The following RAB27B variants were observed in gnomAD, a reference collection of about 807,000 sequenced individuals.
RAB27B encodes ras-related protein Rab-27B.
Under a neutral mutation model 24.6 loss-of-function variants are expected in RAB27B, and 15 were observed. The observed-to-expected ratio is 0.61, with a 90% confidence interval of 0.41 to 0.94. The LOEUF (loss-of-function observed/expected upper bound fraction) is 0.94. Among genes scored for constraint, RAB27B ranks in the 40% least tolerant of loss-of-function variants. The pLI, the probability that RAB27B is intolerant of heterozygous loss-of-function variation, is 0.00. For missense variants in RAB27B, 261 were observed against 266.8 expected, an observed-to-expected ratio of 0.98 and a Z score of 0.15; for synonymous variants, 105 against 92.5, an observed-to-expected ratio of 1.14 and a Z score of -0.78.
At chr18:54,828,809 C>T in intron 1 of RAB27B, 109 bp downstream of exon 1, 1 of 148,928 alleles carries the variant, frequency 6.7e-6, no homozygotes, top group Non-Finnish European at 1.5e-5. Flanking sequence ...TGTGTGTGTG[C>T]ATGTGTGAGT....
chr18:54,795,553 G>C (rs1397129777), intron 2 of RAB27B, among the ~76,000 whole-genome samples: 1 of 152,164 alleles, frequency 6.6e-6, no homozygotes, highest in East Asian at 1.9e-4. Flanking sequence ...AGAATGGTTA[G>C]GAAGCAATCA....
chr18:54,837,370 T>C (rs1188962303), intron 1 of RAB27B, among the ~76,000 whole-genome samples: 1 of 152,052 alleles, frequency 6.6e-6, no homozygotes, highest in Non-Finnish European at 1.5e-5. Context: ...TTATAAAGTC[T>C]AAATTTCTGG....
intron 1 of RAB27B, among the ~76,000 whole-genome samples, chr18:54,831,770 A>AT (rs371299042): frequency 2.9e-3 from 435 of 149,378 alleles, no homozygotes; most frequent in African/African-American, 7.6e-3. Flanking sequence ...AGGGGAGGTG[A>AT]TTTTTTTTTT....
intron 1 of RAB27B, among the ~76,000 whole-genome samples, chr18:54,830,894 T>A (rs1483144120): frequency 1.3e-5 from 2 of 152,214 alleles, no homozygotes; most frequent in Admixed American, 6.5e-5. Flanking sequence ...AAATAAATTT[T>A]GTCTTTTTAA....
At chr18:54,849,752 T>C (rs1911483513) in intron 1 of RAB27B, among the ~76,000 whole-genome samples, 1 of 151,942 alleles carries the variant, frequency 6.6e-6, no homozygotes, top group Non-Finnish European at 1.5e-5. Context: ...GGTAAATCAC[T>C]AGGGGATATA....
At chr18:54,875,893 T>G (rs930063063) in intron 1 of RAB27B, among the ~76,000 whole-genome samples, 41 of 151,334 alleles carry the variant, frequency 2.7e-4, no homozygotes, top group Admixed American at 2.4e-3. Flanking sequence ...TTTTTGTACA[T>G]GTACATGTAC....
intron 1 of RAB27B, among the ~76,000 whole-genome samples, chr18:54,845,474 G>A (rs1359590377): frequency 6.6e-6 from 1 of 150,484 alleles, no homozygotes; most frequent in African/African-American, 2.4e-5. Context: ...CTCTAGCTAA[G>A]CAATAATGAA....
rs554277402 is a variant in RAB27B, at chr18:54,776,984, G to A, written c.-20+58843G>A. ...CACCTGAGCCTGGGAGGCAGAGGTT[G>A]CAGTGAGCCAAGATGGCACCACTGT... On this transcript the variant is annotated intron_variant, in intron 2 of 4. Coordinates refer to the RAB27B transcript ENST00000586570. 7.2e-5 allele frequency among the ~76,000 whole-genome samples: 11 copies of A among 152,276 alleles called. No homozygotes were observed. In the East Asian group the frequency reaches 1.9e-3, roughly 27 times the overall value.
At chr18:54,863,967 T>A (rs11874015) in intron 1 of RAB27B, among the ~76,000 whole-genome samples, 2 of 152,080 alleles carry the variant, frequency 1.3e-5, no homozygotes, top group Non-Finnish European at 2.9e-5. Context: ...AATGCTGCTA[T>A]GAGCATTCAT....
intron 2 of RAB27B, among the ~76,000 whole-genome samples, chr18:54,733,931 G>C (rs1170870929): frequency 6.6e-6 from 1 of 152,120 alleles, no homozygotes; most frequent in African/African-American, 2.4e-5. Context: ...AAAGTAAGAA[G>C]AGTCTAAAAA....
intron 2 of RAB27B, among the ~76,000 whole-genome samples, chr18:54,767,311 C>A (rs887097531): frequency 6.6e-6 from 1 of 152,036 alleles, no homozygotes; most frequent in African/African-American, 2.4e-5. Flanking sequence ...GTGGCTCATG[C>A]CAGTGTGTGG....
intron 1 of RAB27B, among the ~76,000 whole-genome samples, chr18:54,841,165 G>GGGGGGC (rs1454372577): frequency 8.2e-6 from 1 of 121,480 alleles, no homozygotes; most frequent in South Asian, 3.9e-4. Context: ...GGGGCGGTGG[G>GGGGGGC]GGGTTTGGTG....
At chr18:54,724,857 T>A (rs1909479643) in intron 2 of RAB27B, among the ~76,000 whole-genome samples, 1 of 151,638 alleles carries the variant, frequency 6.6e-6, no homozygotes, top group Non-Finnish European at 1.5e-5. Flanking sequence ...TTTCAAAGGA[T>A]GAACAGAGGA....
intron 2 of RAB27B, among the ~76,000 whole-genome samples, chr18:54,788,922 T>G (rs1171904938): frequency 2.6e-5 from 4 of 152,224 alleles, no homozygotes; most frequent in African/African-American, 9.6e-5. Flanking sequence ...AGTGGTCACT[T>G]GGATGAAGAA....
At chr18:54,811,268 C>A (rs1909955994) in intron 2 of RAB27B, among the ~76,000 whole-genome samples, 1 of 152,086 alleles carries the variant, frequency 6.6e-6, no homozygotes, top group East Asian at 1.9e-4. Context: ...AAGGACATAC[C>A]TGTGACATAG....
intron 2 of RAB27B, among the ~76,000 whole-genome samples, chr18:54,755,930 C>T (rs1467345104): frequency 1.3e-5 from 2 of 152,168 alleles, no homozygotes; most frequent in African/African-American, 2.4e-5. Context: ...TCCTTTGTCA[C>T]AGCCATGTTT....
At chr18:54,839,978 A>G (rs1911045302) in intron 1 of RAB27B, among the ~76,000 whole-genome samples, 1 of 152,232 alleles carries the variant, frequency 6.6e-6, no homozygotes, top group African/African-American at 2.4e-5. Flanking sequence ...GAAACAAAAG[A>G]TGCTTTTTTG....
rs78681392 is a variant in RAB27B at position 54,746,194 on chromosome 18, C to T, written c.-20+28053C>T. 8.2e-3 allele frequency among the ~76,000 whole-genome samples: 1,242 copies of T among 152,210 alleles called. 25 individuals carry two copies. The highest frequency in any genetic ancestry group is 0.028 in the African/African-American group (1,180 of 41,524). ...CCTCTAAAAATGAAATAGTCCACAA[C>T]TGAAGAAAAACTTGAAGATTACGCC... On this transcript the variant is annotated intron_variant, in intron 2 of 4. Transcript: ENST00000586570.
At chr18:54,794,467 C>A (rs186496094) in intron 2 of RAB27B, among the ~76,000 whole-genome samples, 5 of 152,092 alleles carry the variant, frequency 3.3e-5, no homozygotes, top group African/African-American at 4.8e-5. Flanking sequence ...GCTCTTACAG[C>A]GTAAAAACAA....
Sources: gnomAD v4.1 joint callset for allele counts (sites outside exome capture counted in the v4.1 genomes callset) on GRCh38, gnomAD v4.1.1 for gene constraint, MANE v1.5 for transcripts, NCBI Gene and HGNC (gene_info 2026-07-23, HGNC 2026-07-21) for gene names.